Variants in TRPV1 observed in about 807,000 individuals in gnomAD.
TRPV1 encodes OTRPC1.
Under a neutral mutation model 82.3 loss-of-function variants are expected in TRPV1, and 82 were observed. That is an observed-to-expected ratio of 1.00 (90% CI 0.83 to 1.20). The LOEUF (loss-of-function observed/expected upper bound fraction) is 1.20, where lower values mean the gene tolerates loss of function less well. Ranked by LOEUF, TRPV1 falls within the 50% of genes most tolerant of loss-of-function variation. The pLI is 0.00. For missense variants in TRPV1, 1,067 were observed against 1,096.8 expected (o/e 0.97, Z 0.38); for synonymous variants, 515 against 467.7 (o/e 1.10, Z -1.30).
At chr17:3,588,040 G>A (rs905714469) in intron 8 of TRPV1, 148 bp downstream of exon 8, 1 of 830,404 alleles carries the variant, frequency 1.2e-6, no homozygotes, top group African/African-American at 1.7e-5. Context: ...CAGTGGGCAT[G>A]AGTGGGGAAC....
chr17:3,582,372 A>C (rs1290638182), intron 10 of TRPV1, among the ~76,000 whole-genome samples: 2 of 151,778 alleles, frequency 1.3e-5, no homozygotes, highest in Admixed American at 6.6e-5. Flanking sequence ...ACCCCATCTT[A>C]TAAAAATTAA....
intron 14 of TRPV1, among the ~76,000 whole-genome samples, chr17:3,572,516 A>G (rs534779411): frequency 5.3e-5 from 8 of 152,238 alleles, no homozygotes; most frequent in African/African-American, 1.9e-4. Context: ...AGTGATACGG[A>G]GGCCCCAGAC....
chr17:3,588,195 TC>T lies in TRPV1; in HGVS notation c.1216del (p.Glu406ArgfsTer14), dbSNP rs2075107719. The T allele has an allele frequency of 1.3e-6, 2 of 1,560,346 alleles. No individual in the cohort carries two copies. Among genetic ancestry groups the T allele is most frequent in the Non-Finnish European group, 1.7e-6 (2 of 1,152,276 alleles). On this transcript the variant is annotated frameshift_variant, in exon 8 of 17. Coordinates refer to ENST00000572705, the MANE Select transcript of TRPV1 (RefSeq NM_080704.4). LOFTEE classifies it high-confidence loss of function. ...TGTGCCCCAGCCACTCACAGGGGTCTCGCTGCTGCTGTAGGCGATCACCTCC... is the reference window on the plus strand; with the variant it reads ...TGTGCCCCAGCCACTCACAGGGGTCTGCTGCTGCTGTAGGCGATCACCTCC... ...VLEVIAYSSS[E>X]TPNRHDMLLV... is the part of the protein sequence containing the mutation.
chr17:3,583,233 C>A (rs775283791), intron 10 of TRPV1, 105 bp downstream of exon 10: 212 of 1,006,210 alleles, frequency 2.1e-4, no homozygotes, highest in Non-Finnish European at 3.0e-4. Flanking sequence ...CCAAGTAGGG[C>A]TATGATGTGT....
intron 2 of TRPV1, among the ~76,000 whole-genome samples, chr17:3,604,814 C>G (rs1229994761): frequency 1.3e-5 from 2 of 152,012 alleles, no homozygotes; most frequent in Non-Finnish European, 2.9e-5. Flanking sequence ...TTTACAGCCT[C>G]CTGTCTCCCA....
At position 3,566,618 on chromosome 17, in the gene TRPV1, G is replaced by T; in HGVS notation, c.*197C>A. 1.7e-6 allele frequency: 1 copy of T among 571,706 alleles called. No homozygotes were observed. Among genetic ancestry groups the T allele is most frequent in the Admixed American group, 3.2e-5 (1 of 30,844 alleles). 35.4% of individuals were successfully genotyped at this position (571,706 alleles called of 1,614,324 possible). ...CTGTTAGGAGATTCACTTGGGGACA[G>T]TGACGGTTGGATGTACATCACTCCC... On this transcript the variant is annotated 3_prime_UTR_variant, in exon 17 of 17. Coordinates refer to ENST00000572705, the MANE Select transcript of TRPV1 (RefSeq NM_080704.4).
intron 10 of TRPV1, among the ~76,000 whole-genome samples, chr17:3,581,016 C>CAA (rs557964098): frequency 8.5e-5 from 10 of 117,456 alleles, no homozygotes; most frequent in East Asian, 2.2e-4. Flanking sequence ...GACTCCATCT[C>CAA]AAAAAAAAAA....
chr17:3,587,303 A>C (rs2075097017), intron 8 of TRPV1, among the ~76,000 whole-genome samples: 1 of 152,032 alleles, frequency 6.6e-6, no homozygotes, highest in Non-Finnish European at 1.5e-5. Context: ...TGTAAACGCA[A>C]CCTCTGACCT....
chr17:3,596,895 A>G (rs1237121382), intron 2 of TRPV1: 2 of 152,352 alleles, frequency 1.3e-5, no homozygotes, highest in East Asian at 3.8e-4. Context: ...TGCATTGGCC[A>G]TCAGACAAAG....
chr17:3,567,518 T>G (rs2074784598), intron 16 of TRPV1, among the ~76,000 whole-genome samples: 1 of 152,068 alleles, frequency 6.6e-6, no homozygotes, highest in African/African-American at 2.4e-5. Flanking sequence ...CTCTCGCTGT[T>G]CCTTAAATTC....
chr17:3,592,351 C>A lies in TRPV1; in HGVS notation c.-1G>T. The A allele has an allele frequency of 6.3e-7, 1 of 1,587,848 alleles. No individual in the cohort carries two copies. Among genetic ancestry groups the A allele is most frequent in the Non-Finnish European group, 8.6e-7 (1 of 1,166,912 alleles). ...AGTCTGTGCTGCTCCATTTCTTCAT[C>A]CTTGCTGGATCCTCTGTGGCCCAGT... is the stretch of plus-strand genomic sequence containing the variant. On this transcript the variant is annotated 5_prime_UTR_variant, in exon 3 of 17. Coordinates refer to ENST00000572705, the MANE Select transcript of TRPV1 (RefSeq NM_080704.4).
In TRPV1 at chr17:3,588,206, G is replaced by A. The variant is rs201556747; in HGVS notation, c.1206C>T (p.Tyr402=). 2 of 1,567,804 alleles carry A rather than the reference G, an allele frequency of 1.3e-6. No homozygotes were observed. Among genetic ancestry groups the A allele is most frequent in the South Asian group, 1.2e-5 (1 of 84,924 alleles). The change falls in exon 8 of 17, where the codon TAC becomes TAT. Residue 402 remains tyrosine (Y), a synonymous_variant. Transcript: ENST00000572705. ...EKNSVLEVIA[Y]SSSETPNRHD... Reference sequence around the variant, plus strand: ...CACTCACAGGGGTCTCGCTGCTGCTGTAGGCGATCACCTCCAGCACCGAGT... The same window carrying A: ...CACTCACAGGGGTCTCGCTGCTGCTATAGGCGATCACCTCCAGCACCGAGT...
intron 10 of TRPV1, among the ~76,000 whole-genome samples, chr17:3,581,754 A>G (rs374727499): frequency 0.091 from 12,441 of 136,688 alleles, 989 homozygotes; most frequent in East Asian, 0.44. Context: ...GCGCGGTGGC[A>G]CGCACCTGTA....
In TRPV1 at chr17:3,590,360, G is replaced by C; in HGVS notation, c.637C>G (p.Arg213Gly). 1 of 1,614,000 alleles carries C rather than the reference G, an allele frequency of 6.2e-7. No individual in the cohort carries two copies. Among genetic ancestry groups the C allele is most frequent in the Non-Finnish European group, 8.5e-7 (1 of 1,179,900 alleles). ...QTALHIAIERRNMALVTLLVE... is the reference protein window; with the variant it reads ...QTALHIAIERGNMALVTLLVE... Reference sequence around the variant, plus strand: ...AGGAGGGTCACCAGGGCCATGTTGCGTCTCTCGATGGCGATGTGCAGTGCT... The same window carrying C: ...AGGAGGGTCACCAGGGCCATGTTGCCTCTCTCGATGGCGATGTGCAGTGCT... Residue 213 changes from arginine to glycine, a missense_variant, in exon 6 of 17, where the codon CGC becomes GGC. By Grantham distance (125) the Arg-to-Gly change is moderately radical. Transcript: ENST00000572705.
chr17:3,585,338 A>T (rs569274276), intron 9 of TRPV1: 2 of 165,812 alleles, frequency 1.2e-5, no homozygotes, highest in Admixed American at 1.2e-4. Context: ...TTTAGTAGAG[A>T]CGGGGTTTCA....
At chr17:3,569,753 AC>A (rs2074821920) in intron 16 of TRPV1, among the ~76,000 whole-genome samples, 1 of 152,182 alleles carries the variant, frequency 6.6e-6, no homozygotes, top group African/African-American at 2.4e-5. Context: ...TCATGGTGTG[AC>A]TGCATGAGGG....
chr17:3,592,623 G>A (rs2150850779), intron 2 of TRPV1: 1 of 511,908 alleles, frequency 2.0e-6, no homozygotes. Context: ...CGTCGGCCTG[G>A]GAGGGTGGAC....
At position 3,585,823 on chromosome 17, in the gene TRPV1, C is replaced by T. The variant is rs2075077613; in HGVS notation, c.1328G>A (p.Cys443Tyr). 6.2e-7 allele frequency: 1 copy of T among 1,613,876 alleles called. No individual in the cohort carries two copies. Among genetic ancestry groups the T allele is most frequent in the Non-Finnish European group, 8.5e-7 (1 of 1,179,862 alleles). ...RIFYFNFLVY[C>Y]LYMIIFTMAA... Reference sequence around the variant, plus strand: ...CATGGTGAAGATGATCATGTACAGGCAGTAGACCAGGAAGTTGAAGTAGAA... The same window carrying T: ...CATGGTGAAGATGATCATGTACAGGTAGTAGACCAGGAAGTTGAAGTAGAA... The change falls in exon 9 of 17, where the codon TGC becomes TAC. Residue 443 changes from cysteine to tyrosine, a missense_variant. Transcript: ENST00000572705.
intron 2 of TRPV1, among the ~76,000 whole-genome samples, chr17:3,594,275 C>T (rs983980020): frequency 3.3e-5 from 5 of 151,506 alleles, no homozygotes; most frequent in African/African-American, 9.7e-5. Context: ...GGCTACATTC[C>T]GGAAAACAGC....
Sources: gnomAD v4.1 joint callset for allele counts (sites outside exome capture counted in the v4.1 genomes callset) on GRCh38, gnomAD v4.1.1 for gene constraint, MANE v1.5 for transcripts, NCBI Gene and HGNC (gene_info 2026-07-23, HGNC 2026-07-21) for gene names.